Variants in RNMT observed in about 807,000 individuals in gnomAD.
RNMT encodes mRNA cap guanine-N(7) methyltransferase.
RNMT carries 27 observed loss-of-function variants against 56.0 expected under a neutral mutation model. The ratio of observed to expected loss-of-function variants is 0.48; its 90% CI spans 0.36 to 0.67. The LOEUF (loss-of-function observed/expected upper bound fraction) is 0.67. Ranked by LOEUF, RNMT falls within the 30% of genes least tolerant of loss-of-function variation. RNMT has a pLI of 0.00. For missense variants in RNMT, 519 were observed against 552.1 expected, an observed-to-expected ratio of 0.94 and a Z score of 0.60; for synonymous variants, 184 against 176.2, an observed-to-expected ratio of 1.04 and a Z score of -0.35.
intron 9 of RNMT, among the ~76,000 whole-genome samples, chr18:13,751,255 GAACTT>G (rs1428029863): frequency 6.6e-6 from 1 of 152,082 alleles, no homozygotes; most frequent in East Asian, 1.9e-4. Flanking sequence ...AATCTACAAA[GAACTT>G]AAACAAGTTT....
intron 11 of RNMT, among the ~76,000 whole-genome samples, chr18:13,756,343 C>G (rs1046463346): frequency 3.3e-5 from 5 of 152,100 alleles, no homozygotes; most frequent in African/African-American, 1.2e-4. Flanking sequence ...AAATCAGACT[C>G]TAGCATGTTA....
chr18:13,737,101 GA>G lies in RNMT; in HGVS notation c.651del (p.Gly218GlufsTer6). ...CGKGGDLLKW[K>X]KGRINKLVCT... ...GTAAAGGTGGAGATTTGCTGAAATG[GA>G]AAAAAGGAAGAATTAACAAGCTAGT... On this transcript the variant is annotated frameshift_variant, in exon 5 of 12. Coordinates refer to ENST00000383314, the MANE Select transcript of RNMT (RefSeq NM_003799.3). LOFTEE classifies it high-confidence loss of function. The G allele has an allele frequency of 1.2e-6, 2 of 1,610,456 alleles. No individual in the cohort carries two copies. Among genetic ancestry groups the G allele is most frequent in the South Asian group, 1.1e-5 (1 of 90,726 alleles).
chr18:13,745,411 A>G (rs1054820674), intron 8 of RNMT, among the ~76,000 whole-genome samples: 20 of 152,208 alleles, frequency 1.3e-4, no homozygotes, highest in Non-Finnish European at 2.8e-4. Context: ...GGAGGTAAGA[A>G]GTGGACCTAT....
intron 9 of RNMT, among the ~76,000 whole-genome samples, chr18:13,751,102 A>G (rs1425563249): frequency 1.3e-5 from 2 of 152,254 alleles, no homozygotes; most frequent in Non-Finnish European, 2.9e-5. Flanking sequence ...AACAAAAGCC[A>G]AAACTGACAA....
intron 1 of RNMT, among the ~76,000 whole-genome samples, chr18:13,729,732 T>C (rs2044034802): frequency 6.6e-6 from 1 of 152,218 alleles, no homozygotes; most frequent in African/African-American, 2.4e-5. Context: ...GATTTCTTAT[T>C]CTTTTTCATT....
At position 13,738,010 on chromosome 18, in the gene RNMT, T is replaced by TA. The variant is rs1568502093; in HGVS notation, c.679+875_679+876insA. On this transcript the variant is annotated intron_variant, in intron 5 of 11. Transcript: ENST00000383314. ...AGTCGATAGTAACGCAATGAATCAA[T>TA]CAATCAATCACCTTAGCCCGGTGGT... is the stretch of plus-strand genomic sequence containing the variant. 1.1e-4 allele frequency among the ~76,000 whole-genome samples: 16 copies of TA among 152,026 alleles called. No individual in the cohort carries two copies. The East Asian group carries it at 2.9e-3, about 28-fold the overall frequency.
intron 11 of RNMT, among the ~76,000 whole-genome samples, chr18:13,755,372 G>GTTA (rs2044525612): frequency 6.6e-6 from 1 of 152,200 alleles, no homozygotes; most frequent in Admixed American, 6.5e-5. Context: ...TTTAATCCTT[G>GTTA]TAATAACTCA....
At chr18:13,749,447 GTTAA>G (rs1197414461) in intron 9 of RNMT, among the ~76,000 whole-genome samples, 2 of 152,132 alleles carry the variant, frequency 1.3e-5, no homozygotes, top group African/African-American at 4.8e-5. Context: ...AAATAAATAG[GTTAA>G]TTTCTAATGC....
chr18:13,727,326 G>A (rs2043976288), intron 1 of RNMT, among the ~76,000 whole-genome samples: 2 of 152,178 alleles, frequency 1.3e-5, no homozygotes, highest in African/African-American at 4.8e-5. Flanking sequence ...ATGTTCGTGT[G>A]GTTATTTATC....
At chr18:13,747,840 G>A (rs2044378013) in intron 9 of RNMT, among the ~76,000 whole-genome samples, 1 of 152,096 alleles carries the variant, frequency 6.6e-6, no homozygotes, top group Non-Finnish European at 1.5e-5. Context: ...TAAGGAAGAG[G>A]AGAAAACTAG....
chr18:13,731,451 A>C lies in RNMT; in HGVS notation c.-42-25A>C, dbSNP rs2044066417. 2.3e-6 allele frequency: 3 copies of C among 1,281,770 alleles called. No homozygotes were observed. The Admixed American group carries it at 6.9e-5, about 29-fold the overall frequency. 79.4% of individuals were successfully genotyped at this position (1,281,770 alleles called of 1,614,324 possible). ...TTTTAAAGTCTTAGTGTTTACAAGTAATACCAATTTTTTTCCTATTCTAGT... is the reference window on the plus strand; with the variant it reads ...TTTTAAAGTCTTAGTGTTTACAAGTCATACCAATTTTTTTCCTATTCTAGT... On this transcript the variant is annotated intron_variant, in intron 2 of 11. Transcript: ENST00000383314.
intron 1 of RNMT, among the ~76,000 whole-genome samples, chr18:13,728,300 CTTTTTT>C (rs1204415985): frequency 1.1e-4 from 12 of 109,632 alleles, no homozygotes; most frequent in African/African-American, 2.5e-4. Flanking sequence ...TCATCAGCAT[CTTTTTT>C]TTTTTTTTTT....
intron 8 of RNMT, among the ~76,000 whole-genome samples, chr18:13,744,355 G>A (rs915146367): frequency 1.3e-5 from 2 of 151,770 alleles, no homozygotes; most frequent in African/African-American, 4.8e-5. Flanking sequence ...TAAGCTTTTT[G>A]TGTGGCAAAA....
chr18:13,744,480 TA>T (rs890541119), intron 8 of RNMT, among the ~76,000 whole-genome samples: 3 of 152,120 alleles, frequency 2.0e-5, no homozygotes, highest in Non-Finnish European at 4.4e-5. Flanking sequence ...CTGCCTGGAA[TA>T]AAAAACTTGG....
At chr18:13,743,578 C>T (rs2044295366) in intron 8 of RNMT, among the ~76,000 whole-genome samples, 1 of 152,024 alleles carries the variant, frequency 6.6e-6, no homozygotes, top group Non-Finnish European at 1.5e-5. Flanking sequence ...CCAGGTAAGG[C>T]TTCAAGGCCT....
chr18:13,746,444 G>T (rs537027127), intron 9 of RNMT, 107 bp downstream of exon 9: 2 of 732,186 alleles, frequency 2.7e-6, no homozygotes, highest in Non-Finnish European at 4.9e-6. Flanking sequence ...TGTGTATTAC[G>T]CTCTTCAGCA....
chr18:13,731,548 G>A lies in RNMT; in HGVS notation c.31G>A (p.Glu11Lys). MANSAKAEEYEKMSLEQAKAS... is the reference protein window; with the variant it reads MANSAKAEEYKKMSLEQAKAS... ...AAATTCTGCAAAAGCAGAAGAATAT[G>A]AAAAGATGTCTCTTGAACAGGCAAA... Residue 11 changes from glutamate (E) to lysine (K), a missense_variant, in exon 3 of 12, where the codon GAA becomes AAA. By Grantham distance (56) the Glu-to-Lys change is moderately conservative. Transcript: ENST00000383314. 1.3e-6 allele frequency: 2 copies of A among 1,598,620 alleles called. No individual in the cohort carries two copies. Among genetic ancestry groups the A allele is most frequent in the African/African-American group, 1.4e-5 (1 of 73,830 alleles).
rs1373656816 is a variant in RNMT at position 13,762,104 on chromosome 18, G to T, written c.*2125G>T. ...CGTCGGGCCAGGAAGAGCACCTGTT[G>T]CTGCAAGCTCAGTGAAGTGGGGCAC... On this transcript the variant is annotated 3_prime_UTR_variant, in exon 12 of 12. Coordinates refer to ENST00000383314, the MANE Select transcript of RNMT (RefSeq NM_003799.3). 6.5e-7 allele frequency: 1 copy of T among 1,536,042 alleles called. No homozygotes were observed. The highest frequency in any genetic ancestry group is 2.0e-5 in the Admixed American group (1 of 51,002).
intron 1 of RNMT, among the ~76,000 whole-genome samples, chr18:13,728,717 C>A (rs1334843962): frequency 6.6e-6 from 1 of 152,032 alleles, no homozygotes; most frequent in Non-Finnish European, 1.5e-5. Context: ...TTTTGACTTG[C>A]ATTTCCCTGA....
Sources: gnomAD v4.1 joint callset for allele counts (sites outside exome capture counted in the v4.1 genomes callset) on GRCh38, gnomAD v4.1.1 for gene constraint, MANE v1.5 for transcripts, NCBI Gene and HGNC (gene_info 2026-07-23, HGNC 2026-07-21) for gene names.